NFIL3: variants seen among roughly 807,000 people sequenced by gnomAD.
The protein encoded by NFIL3 is nuclear factor, interleukin 3 regulated.
In NFIL3, 5 loss-of-function variants were observed where a neutral mutation model predicts 10.0. That is an observed-to-expected ratio of 0.50 (90% CI 0.26 to 1.06). NFIL3 has a LOEUF of 1.06. NFIL3 is among the 50% of genes least tolerant of loss of function. NFIL3 has a pLI of 0.13. For synonymous variants in NFIL3, 202 were observed against 206.5 expected (o/e 0.98, Z 0.19); for missense variants, 436 against 547.6 (o/e 0.80, Z 2.03).
chr9:91,473,825 C>T, the NFIL3 span, among the ~76,000 whole-genome samples: 1 of 152,224 alleles, frequency 6.6e-6, no homozygotes, highest in African/African-American at 2.4e-5. Flanking sequence ...AGAGCTGTTC[C>T]TATTTGGCCA....
chr9:91,433,527 C>T, the NFIL3 span, among the ~76,000 whole-genome samples: 31 of 152,322 alleles, frequency 2.0e-4, no homozygotes, highest in Admixed American at 4.6e-4. Context: ...TCTGGCCAAA[C>T]GGGCATAATA....
the NFIL3 span, among the ~76,000 whole-genome samples, chr9:91,437,366 C>T: frequency 6.6e-6 from 1 of 152,136 alleles, no homozygotes; most frequent in Non-Finnish European, 1.5e-5. Context: ...TGCCTGTTGA[C>T]CATTTTTAAG....
chr9:91,409,589 TG>T lies in NFIL3; in HGVS notation c.1145del (p.Ser382Ter). On this transcript the variant is annotated frameshift_variant, in exon 2 of 2. Coordinates refer to ENST00000297689, the MANE Select transcript of NFIL3 (RefSeq NM_005384.3). LOFTEE classifies it high-confidence loss of function. ...AATCTTGAATGTTAGTCACTTGCAC[TG>T]AGAAAGGAGTAAGAGAAGAATGTAC... ...SMVHSSLTPF[S>X]VQVTNIQDWS... The T allele has an allele frequency of 6.2e-7, 1 of 1,614,198 alleles. No individual in the cohort carries two copies. The highest frequency in any genetic ancestry group is 8.5e-7 in the Non-Finnish European group (1 of 1,180,034).
chr9:91,426,527 T>A (rs954456039), upstream of NFIL3: 5 of 152,134 alleles, frequency 3.3e-5, no homozygotes, highest in Admixed American at 6.6e-5. Flanking sequence ...GGCTGTAAGG[T>A]TCTCAGGAGG....
At chr9:91,474,905 A>G in the NFIL3 span, among the ~76,000 whole-genome samples, 1 of 152,216 alleles carries the variant, frequency 6.6e-6, no homozygotes, top group Non-Finnish European at 1.5e-5. Context: ...TCATGTAGAC[A>G]AAGTCCTGCC....
At chr9:91,438,887 G>T in the NFIL3 span, among the ~76,000 whole-genome samples, 3 of 152,058 alleles carry the variant, frequency 2.0e-5, no homozygotes, top group Non-Finnish European at 4.4e-5. Context: ...TTCCAATATG[G>T]TATGGGTTTA....
the NFIL3 span, among the ~76,000 whole-genome samples, chr9:91,447,711 C>A: frequency 6.6e-6 from 1 of 152,080 alleles, no homozygotes; most frequent in South Asian, 2.1e-4. Flanking sequence ...TCTAAGAATT[C>A]TTTTTCTATT....
the NFIL3 span, among the ~76,000 whole-genome samples, chr9:91,437,094 A>C: frequency 2.0e-5 from 3 of 152,192 alleles, no homozygotes; most frequent in Non-Finnish European, 4.4e-5. Flanking sequence ...CTGCTCTGAC[A>C]GGAGGCTGAG....
At chr9:91,426,874 A>C (rs1833878320), upstream of NFIL3, 1 of 152,310 alleles carries the variant, frequency 6.6e-6, no homozygotes, top group Admixed American at 6.5e-5. Flanking sequence ...GGCCATATAT[A>C]TATCCCAGGG....
At chr9:91,458,731 C>G in the NFIL3 span, among the ~76,000 whole-genome samples, 1 of 151,980 alleles carries the variant, frequency 6.6e-6, no homozygotes, top group East Asian at 1.9e-4. Context: ...TAATGTTGTT[C>G]TATCAAAGTC....
the NFIL3 span, among the ~76,000 whole-genome samples, chr9:91,438,199 C>T: frequency 6.6e-6 from 1 of 152,106 alleles, no homozygotes; most frequent in Admixed American, 6.5e-5. Context: ...AAATAATAGC[C>T]ATCATAATGG....
chr9:91,426,795 CAACTT>C (rs1365059469), upstream of NFIL3: 16 of 152,260 alleles, frequency 1.1e-4, 1 homozygote, highest in Middle Eastern at 3.4e-3. Flanking sequence ...AATTTAGTAA[CAACTT>C]AATTTAATAT....
chr9:91,471,340 CT>C, the NFIL3 span, among the ~76,000 whole-genome samples: 158 of 143,360 alleles, frequency 1.1e-3, no homozygotes, highest in Admixed American at 1.7e-3. Flanking sequence ...GCAACCCCTG[CT>C]TTTTTTTTTT....
the NFIL3 span, among the ~76,000 whole-genome samples, chr9:91,477,748 T>C: frequency 3.9e-5 from 6 of 152,184 alleles, no homozygotes; most frequent in African/African-American, 1.4e-4. Flanking sequence ...TAAATGCTTA[T>C]GAATGAACAC....
chr9:91,448,271 C>T, the NFIL3 span, among the ~76,000 whole-genome samples: 2 of 152,226 alleles, frequency 1.3e-5, no homozygotes, highest in Non-Finnish European at 2.9e-5. Context: ...GTGTATTTGG[C>T]TCATGATTCT....
At chr9:91,445,693 C>T in the NFIL3 span, among the ~76,000 whole-genome samples, 1 of 152,038 alleles carries the variant, frequency 6.6e-6, no homozygotes, top group Admixed American at 6.5e-5. Context: ...AGCTTAGGGT[C>T]CATAGAAAGC....
At chr9:91,467,998 T>C in the NFIL3 span, among the ~76,000 whole-genome samples, 3 of 152,144 alleles carry the variant, frequency 2.0e-5, no homozygotes, top group Admixed American at 6.6e-5. Context: ...AATAAACATA[T>C]GTGTGCATGT....
the NFIL3 span, among the ~76,000 whole-genome samples, chr9:91,467,791 G>C: frequency 1.3e-5 from 2 of 151,956 alleles, no homozygotes; most frequent in African/African-American, 4.8e-5. Context: ...GCGGTGTTTG[G>C]TTTTCTGTCC....
chr9:91,458,822 G>T, the NFIL3 span, among the ~76,000 whole-genome samples: 1 of 151,890 alleles, frequency 6.6e-6, no homozygotes, highest in African/African-American at 2.4e-5. Context: ...TCTCATTGCT[G>T]GAGGTATCAC....
Sources: allele counts gnomAD v4.1 joint callset (sites outside exome capture counted in the v4.1 genomes callset), GRCh38; gene constraint gnomAD v4.1.1; transcripts MANE v1.5; gene names NCBI Gene and HGNC (gene_info 2026-07-23, HGNC 2026-07-21).